TRMT11: variants seen among roughly 807,000 people sequenced by gnomAD.
TRMT11 encodes the protein tRNA (guanine(10)-N(2))-methyltransferase TRMT11.
A neutral mutation model predicts 62.8 loss-of-function variants in TRMT11; 53 were observed. That is an observed-to-expected ratio of 0.84 (90% confidence interval 0.68 to 1.06). The LOEUF (loss-of-function observed/expected upper bound fraction) is 1.06. Ranked by LOEUF, TRMT11 falls within the 50% of genes least tolerant of loss-of-function variation. The pLI is 0.00. For synonymous variants in TRMT11, 188 were observed against 190.3 expected (o/e 0.99, Z 0.10); for missense variants, 556 against 553.4 (o/e 1.00, Z -0.05).
intron 17 of TRMT11, among the ~76,000 whole-genome samples, chr6:126,105,546 G>A (rs1045208744): frequency 1.1e-4 from 17 of 152,002 alleles, no homozygotes; most frequent in African/African-American, 3.9e-4. Flanking sequence ...CCAGTTGTTC[G>A]GAGACGGAGG....
intron 7 of TRMT11, among the ~76,000 whole-genome samples, chr6:126,003,369 G>A (rs1792833379): frequency 6.6e-6 from 1 of 152,072 alleles, no homozygotes; most frequent in Non-Finnish European, 1.5e-5. Context: ...AAAGCCAAAA[G>A]ATTGGACCCC....
intron 1 of TRMT11, among the ~76,000 whole-genome samples, chr6:125,988,414 C>T (rs920334095): frequency 3.3e-5 from 5 of 151,952 alleles, no homozygotes; most frequent in Non-Finnish European, 5.9e-5. Context: ...AGGATTCTCC[C>T]CATGGAGAGA....
At chr6:126,056,516 T>C (rs1319280859) in intron 17 of TRMT11, among the ~76,000 whole-genome samples, 2 of 152,168 alleles carry the variant, frequency 1.3e-5, no homozygotes, top group Non-Finnish European at 2.9e-5. Flanking sequence ...AAGCAAAGAA[T>C]GTGACCTCCT....
At chr6:126,153,977 A>G (rs537600280) in intron 21 of TRMT11, among the ~76,000 whole-genome samples, 3 of 152,140 alleles carry the variant, frequency 2.0e-5, no homozygotes, top group Non-Finnish European at 4.4e-5. Context: ...ATTGACACTG[A>G]GGCCCCCATG....
the TRMT11 span, among the ~76,000 whole-genome samples, chr6:126,229,106 T>G: frequency 1.3e-5 from 2 of 152,242 alleles, no homozygotes; most frequent in East Asian, 3.8e-4. Context: ...TTTGTTGTAT[T>G]TCTGTGTTCT....
chr6:126,190,511 C>T (rs1778585790), intron 1 of TRMT11, among the ~76,000 whole-genome samples: 1 of 152,110 alleles, frequency 6.6e-6, no homozygotes, highest in Admixed American at 6.6e-5. Flanking sequence ...TCTGTTAAGC[C>T]TGCAGAACTA....
At chr6:126,056,868 A>G (rs1404550496) in intron 17 of TRMT11, among the ~76,000 whole-genome samples, 2 of 152,192 alleles carry the variant, frequency 1.3e-5, no homozygotes, top group Non-Finnish European at 2.9e-5. Flanking sequence ...AAGAACGGTG[A>G]TAACGTGGCT....
rs528113340 is a variant in TRMT11, at chr6:126,074,743, G to A, written c.*1437+21553G>A. Among the ~76,000 whole-genome samples the A allele has an allele frequency of 6.1e-4, 92 of 152,032 alleles. No individual in the cohort carries two copies. In the South Asian group the frequency reaches 0.016, roughly 27 times the overall value. On this transcript the variant is annotated intron_variant and NMD_transcript_variant, in intron 17 of 22. Coordinates refer to the TRMT11 transcript ENST00000648977. Reference sequence around the variant, plus strand: ...TATTTCAATGAAACCTATGTAAATAGTAACTTACTTAATTCACCAGAATCC... The same window carrying A: ...TATTTCAATGAAACCTATGTAAATAATAACTTACTTAATTCACCAGAATCC...
chr6:126,181,502 C>A (rs1192182329), intron 1 of TRMT11, among the ~76,000 whole-genome samples: 2 of 152,116 alleles, frequency 1.3e-5, no homozygotes, highest in East Asian at 1.9e-4. Flanking sequence ...ATGTTACCAA[C>A]TGTTTTTACC....
intron 17 of TRMT11, among the ~76,000 whole-genome samples, chr6:126,087,068 G>A (rs1261336301): frequency 1.3e-5 from 2 of 152,198 alleles, no homozygotes; most frequent in African/African-American, 2.4e-5. Context: ...AAGAAAAAGA[G>A]TAAATATCTA....
Position 126,117,950 on chromosome 6 carries a change from G to A in TRMT11, c.*1823+2095G>A, listed in dbSNP as rs529796744. On this transcript the variant is annotated intron_variant and NMD_transcript_variant, in intron 21 of 22. Coordinates refer to the TRMT11 transcript ENST00000648977. ...GCGTTTTGTCCACCTTACAGACAAGGATCTTTTACAGAGGCTGGAAATTCC... is the reference window on the plus strand; with the variant it reads ...GCGTTTTGTCCACCTTACAGACAAGAATCTTTTACAGAGGCTGGAAATTCC... 5.3e-5 allele frequency among the ~76,000 whole-genome samples: 8 copies of A among 152,174 alleles called. 1 individual carries two copies. The South Asian group carries it at 1.7e-3, about 32-fold the overall frequency.
the TRMT11 span, among the ~76,000 whole-genome samples, chr6:126,228,609 G>T: frequency 6.6e-6 from 1 of 152,154 alleles, no homozygotes; most frequent in East Asian, 1.9e-4. Context: ...AGCGCCTGCT[G>T]GTGTGGAACC....
intron 21 of TRMT11, among the ~76,000 whole-genome samples, chr6:126,136,638 G>T (rs1269138253): frequency 1.3e-5 from 2 of 151,604 alleles, no homozygotes; most frequent in Non-Finnish European, 3.0e-5. Context: ...AACAATCCTA[G>T]AATTCACATG....
chr6:126,070,778 T>A (rs1015503089), intron 17 of TRMT11, among the ~76,000 whole-genome samples: 4 of 152,234 alleles, frequency 2.6e-5, no homozygotes, highest in African/African-American at 9.6e-5. Flanking sequence ...CTCATTTAAT[T>A]CTGAAAATAA....
chr6:126,148,430 A>G lies in TRMT11; in HGVS notation c.*1824-26395A>G, dbSNP rs1778000007. ...CCTTATTTTCCATGAAAGCCCCTAT[A>G]ATGAAGGTTCCCCTGGTCACTGTAT... On this transcript the variant is annotated intron_variant and NMD_transcript_variant, in intron 21 of 22. Transcript: ENST00000648977. 2.0e-5 allele frequency among the ~76,000 whole-genome samples: 3 copies of G among 152,202 alleles called. No homozygotes were observed. The South Asian group carries it at 6.2e-4, about 32-fold the overall frequency.
intron 12 of TRMT11, among the ~76,000 whole-genome samples, chr6:126,027,340 C>T (rs1773372541): frequency 6.6e-6 from 1 of 152,176 alleles, no homozygotes; most frequent in African/African-American, 2.4e-5. Flanking sequence ...TCTACTTGAA[C>T]AGATGAAAAG....
chr6:126,011,128 T>A (rs1337230824), intron 8 of TRMT11, 125 bp from the exon 9 acceptor site: 1 of 793,630 alleles, frequency 1.3e-6, no homozygotes, highest in Non-Finnish European at 1.9e-6. Context: ...AAATTAAGAT[T>A]TTAAATGAAA....
At chr6:126,012,259 T>A (rs946301752) in intron 9 of TRMT11, among the ~76,000 whole-genome samples, 8 of 152,198 alleles carry the variant, frequency 5.3e-5, no homozygotes, top group African/African-American at 1.9e-4. Context: ...TTATATAAAA[T>A]ACATTTTTTT....
intron 1 of TRMT11, among the ~76,000 whole-genome samples, chr6:125,993,401 A>G (rs1022291458): frequency 6.6e-6 from 1 of 152,128 alleles, no homozygotes; most frequent in African/African-American, 2.4e-5. Context: ...TTCTTTTCCA[A>G]ACATCTTCAA....
Sources: gnomAD v4.1 joint callset for allele counts (sites outside exome capture counted in the v4.1 genomes callset) on GRCh38, gnomAD v4.1.1 for gene constraint, MANE v1.5 for transcripts, NCBI Gene and HGNC (gene_info 2026-07-23, HGNC 2026-07-21) for gene names.